The following HCRTR2 variants were observed in gnomAD, a reference collection of about 807,000 sequenced individuals.
The protein encoded by HCRTR2 is orexin receptor type 2.
In HCRTR2, 22 loss-of-function variants were observed where a neutral mutation model predicts 49.0. The ratio of observed to expected loss-of-function variants is 0.45; its 90% CI spans 0.32 to 0.64. The LOEUF (loss-of-function observed/expected upper bound fraction) is 0.64. HCRTR2 is among the 30% of genes least tolerant of loss of function. The pLI, the probability that HCRTR2 is intolerant of heterozygous loss-of-function variation, is 0.04. For missense variants in HCRTR2, 491 were observed against 559.4 expected, an observed-to-expected ratio of 0.88 and a Z score of 1.23; for synonymous variants, 236 against 205.3, an observed-to-expected ratio of 1.15 and a Z score of -1.28.
intron 1 of HCRTR2, among the ~76,000 whole-genome samples, chr6:55,180,118 C>T (rs1432223636): frequency 6.6e-6 from 1 of 152,214 alleles, no homozygotes; most frequent in East Asian, 1.9e-4. Flanking sequence ...ATGTCAGGCT[C>T]CACTTACATA....
intron 1 of HCRTR2, among the ~76,000 whole-genome samples, chr6:55,242,877 C>T (rs1265346275): frequency 6.6e-6 from 1 of 152,138 alleles, no homozygotes; most frequent in Non-Finnish European, 1.5e-5. Context: ...GTATTATTTT[C>T]CCATTTGAAA....
At chr6:55,177,961 T>G (rs1425304663) in intron 1 of HCRTR2, among the ~76,000 whole-genome samples, 1 of 152,214 alleles carries the variant, frequency 6.6e-6, no homozygotes, top group Non-Finnish European at 1.5e-5. Context: ...AGGTTCTTTT[T>G]GGAAGGAGTA....
chr6:55,216,860 C>T (rs191921500), intron 1 of HCRTR2, among the ~76,000 whole-genome samples: 1 of 152,328 alleles, frequency 6.6e-6, no homozygotes, highest in East Asian at 1.9e-4. Flanking sequence ...TCAGCCATGG[C>T]TCTGTCCCTG....
intron 4 of HCRTR2, 188 bp downstream of exon 4, chr6:55,264,010 A>G: frequency 1.7e-6 from 1 of 576,228 alleles, no homozygotes; most frequent in Non-Finnish European, 3.1e-6. Flanking sequence ...AAGTAATGAG[A>G]ACCCAGACAT....
chr6:55,164,043 T>C (rs1764842797), intron 1 of HCRTR2, among the ~76,000 whole-genome samples: 1 of 152,152 alleles, frequency 6.6e-6, no homozygotes, highest in South Asian at 2.1e-4. Context: ...TCACTGGTCA[T>C]TGGAGAAATG....
At chr6:55,135,781 G>A (rs1038383927) in intron 1 of HCRTR2, among the ~76,000 whole-genome samples, 1 of 152,124 alleles carries the variant, frequency 6.6e-6, no homozygotes, top group Admixed American at 6.6e-5. Context: ...AACTCAGTAA[G>A]TAGTAGAGCT....
At chr6:55,198,377 G>C (rs1409453327) in intron 1 of HCRTR2, among the ~76,000 whole-genome samples, 3 of 151,950 alleles carry the variant, frequency 2.0e-5, no homozygotes, top group African/African-American at 4.8e-5. Context: ...TCTTACCCTA[G>C]CTCTAAAATT....
At chr6:55,145,971 T>C (rs1042434150) in intron 1 of HCRTR2, among the ~76,000 whole-genome samples, 2 of 152,150 alleles carry the variant, frequency 1.3e-5, no homozygotes, top group Non-Finnish European at 2.9e-5. Flanking sequence ...CTTTTTTTTT[T>C]CTCTGTGATA....
intron 3 of HCRTR2, among the ~76,000 whole-genome samples, chr6:55,257,760 C>A (rs907004185): frequency 6.6e-6 from 1 of 151,306 alleles, no homozygotes; most frequent in African/African-American, 2.4e-5. Flanking sequence ...TATGTAAAAA[C>A]CTAAACTTAG....
intron 1 of HCRTR2, among the ~76,000 whole-genome samples, chr6:55,187,990 G>A (rs1174413144): frequency 6.6e-6 from 1 of 151,746 alleles, no homozygotes; most frequent in Non-Finnish European, 1.5e-5. Flanking sequence ...CACCATGTTA[G>A]CCAGGATGGT....
chr6:55,209,209 T>C (rs138721304), intron 1 of HCRTR2, among the ~76,000 whole-genome samples: 233 of 152,268 alleles, frequency 1.5e-3, no homozygotes, highest in Middle Eastern at 3.4e-3. Flanking sequence ...ACTATCAGAA[T>C]TCAAGAACTA....
At chr6:55,156,066 A>G (rs1293205353) in intron 1 of HCRTR2, among the ~76,000 whole-genome samples, 1 of 151,942 alleles carries the variant, frequency 6.6e-6, no homozygotes, top group Non-Finnish European at 1.5e-5. Context: ...AAGTTAATAT[A>G]TATTAAGTGC....
chr6:55,176,889 G>C (rs535513533), intron 1 of HCRTR2, among the ~76,000 whole-genome samples: 1 of 152,268 alleles, frequency 6.6e-6, no homozygotes, highest in East Asian at 1.9e-4. Context: ...CCTTTCCAGA[G>C]AAGCAGTAAT....
chr6:55,159,323 C>A (rs1447864759), intron 1 of HCRTR2, among the ~76,000 whole-genome samples: 1 of 150,536 alleles, frequency 6.6e-6, no homozygotes, highest in African/African-American at 2.4e-5. Context: ...GCACAAAAAC[C>A]CCATCTGAAG....
At position 55,277,577 on chromosome 6, in the gene HCRTR2, T is replaced by C; in HGVS notation, c.960T>C (p.Ile320=). The change falls in exon 5 of 7, where the codon ATT becomes ATC. Residue 320 remains isoleucine, a synonymous_variant. Coordinates refer to ENST00000370862, the MANE Select transcript of HCRTR2 (RefSeq NM_001384272.1). ...TATTTGCAATTTGCTATCTACCAAT[T>C]AGCATCCTCAATGTGCTAAAGAGGT... ...LLVFAICYLP[I]SILNVLKRVF... 6.2e-7 allele frequency: 1 copy of C among 1,612,920 alleles called. No individual in the cohort carries two copies. Among genetic ancestry groups the C allele is most frequent in the Non-Finnish European group, 8.5e-7 (1 of 1,178,926 alleles).
At chr6:55,132,633 T>C (rs1206361365) in intron 1 of HCRTR2, among the ~76,000 whole-genome samples, 1 of 151,794 alleles carries the variant, frequency 6.6e-6, no homozygotes, top group Non-Finnish European at 1.5e-5. Context: ...GACATACGTT[T>C]CAGATTGAGG....
chr6:55,207,943 T>C (rs1036440252), intron 1 of HCRTR2, among the ~76,000 whole-genome samples: 3 of 152,222 alleles, frequency 2.0e-5, no homozygotes, highest in African/African-American at 7.2e-5. Flanking sequence ...TCCGTGATCC[T>C]AGAACAAATT....
At chr6:55,118,061 C>G (rs1175757712) in intron 1 of HCRTR2, among the ~76,000 whole-genome samples, 3 of 151,812 alleles carry the variant, frequency 2.0e-5, no homozygotes, top group African/African-American at 7.3e-5. Flanking sequence ...CTCACCCTCA[C>G]TCTCCACAAG....
At chr6:55,218,365 A>C (rs139789705) in intron 1 of HCRTR2, among the ~76,000 whole-genome samples, 1 of 152,232 alleles carries the variant, frequency 6.6e-6, no homozygotes, top group Admixed American at 6.5e-5. Flanking sequence ...AAAGTGCTAT[A>C]TGATATATAG....
Sources: allele counts gnomAD v4.1 joint callset (sites outside exome capture counted in the v4.1 genomes callset), GRCh38; gene constraint gnomAD v4.1.1; transcripts MANE v1.5; gene names NCBI Gene and HGNC (gene_info 2026-07-23, HGNC 2026-07-21).